HIBCH: variants seen among roughly 807,000 people sequenced by gnomAD.
HIBCH encodes 3-hydroxyisobutyryl-CoA hydrolase, mitochondrial.
HIBCH carries 50 observed loss-of-function variants against 58.2 expected under a neutral mutation model. That is an observed-to-expected ratio of 0.86 (90% CI 0.68 to 1.09). The LOEUF is 1.09. HIBCH is among the 50% of genes least tolerant of loss of function. HIBCH has a pLI of 0.00. For missense variants in HIBCH, 450 were observed against 449.7 expected, an observed-to-expected ratio of 1.00 and a Z score of -0.01; for synonymous variants, 151 against 146.9, an observed-to-expected ratio of 1.03 and a Z score of -0.20.
chr2:190,206,330 C>T lies in HIBCH; in HGVS notation c.1046-1098G>A, dbSNP rs1324767117. ...CCTACTATTTGAAAGTTTTATATTC[C>T]GTGGACAGTGTAAACAAAGAACAAC... On this transcript the variant is annotated intron_variant, in intron 13 of 13. Coordinates refer to ENST00000359678, the MANE Select transcript of HIBCH (RefSeq NM_014362.4). The surrounding 1 kb of genome is among the most constrained non-coding windows in gnomAD (Gnocchi z 5.1). 2.6e-5 allele frequency among the ~76,000 whole-genome samples: 4 copies of T among 152,072 alleles called. No homozygotes were observed. Among genetic ancestry groups the T allele is most frequent in the Non-Finnish European group, 5.9e-5 (4 of 68,008 alleles).
intron 11 of HIBCH, among the ~76,000 whole-genome samples, chr2:190,224,742 C>G (rs1366493343): frequency 6.6e-6 from 1 of 152,172 alleles, no homozygotes; most frequent in African/African-American, 2.4e-5. Context: ...AGAAAGATAA[C>G]AAGGATATCA....
intron 2 of HIBCH, among the ~76,000 whole-genome samples, chr2:190,298,843 G>A (rs531075223): frequency 2.0e-5 from 3 of 152,144 alleles, no homozygotes; most frequent in Non-Finnish European, 2.9e-5. Context: ...GAATGGTACT[G>A]CCTAAGTTTT....
At chr2:190,233,943 A>C (rs1319797230) in intron 11 of HIBCH, among the ~76,000 whole-genome samples, 2 of 152,232 alleles carry the variant, frequency 1.3e-5, no homozygotes, top group Admixed American at 6.5e-5. Flanking sequence ...GGATCACATG[A>C]GGTCAGGAAT....
Position 190,197,654 on chromosome 2 carries a change from G to A in HIBCH, c.*17+7446C>T, listed in dbSNP as rs945840506. Reference sequence around the variant, plus strand: ...AGAATCCCACAATGACCATCTGTGGGATTTAACATCTTGTGTTTTTCTTCT... The same window carrying A: ...AGAATCCCACAATGACCATCTGTGGAATTTAACATCTTGTGTTTTTCTTCT... On this transcript the variant is annotated intron_variant, in intron 1 of 1. Transcript: ENST00000399855. The surrounding 1 kb of genome is among the most constrained non-coding windows in gnomAD (Gnocchi z 4.0). 6.6e-6 allele frequency among the ~76,000 whole-genome samples: 1 copy of A among 152,182 alleles called. No individual in the cohort carries two copies. The highest frequency in any genetic ancestry group is 2.1e-4 in the South Asian group (1 of 4,828).
At chr2:190,284,453 G>A (rs908550911) in intron 6 of HIBCH, among the ~76,000 whole-genome samples, 1 of 152,194 alleles carries the variant, frequency 6.6e-6, no homozygotes, top group Non-Finnish European at 1.5e-5. Context: ...ATCAGAAGGA[G>A]TCTTGAGTTA....
At chr2:190,259,236 A>AG (rs1393160961) in intron 7 of HIBCH, among the ~76,000 whole-genome samples, 1 of 151,838 alleles carries the variant, frequency 6.6e-6, no homozygotes, top group African/African-American at 2.4e-5. Context: ...TATTCTTCCA[A>AG]TCCATGAACA....
chr2:190,250,357 T>C (rs1182795024), intron 8 of HIBCH: 3 of 467,880 alleles, frequency 6.4e-6, no homozygotes, highest in African/African-American at 6.0e-5. Context: ...ATTTTCTTTG[T>C]ATTGTTTTTA....
intron 8 of HIBCH, 127 bp from the exon 9 acceptor site, chr2:190,249,853 T>C: frequency 1.5e-6 from 1 of 685,038 alleles, no homozygotes; most frequent in Non-Finnish European, 2.6e-6. Flanking sequence ...TTCAGGTGAA[T>C]CACTGAAAGA....
chr2:190,285,425 T>C (rs950152594), intron 6 of HIBCH, among the ~76,000 whole-genome samples: 1 of 152,146 alleles, frequency 6.6e-6, no homozygotes, highest in African/African-American at 2.4e-5. Flanking sequence ...GAGCTTTCCT[T>C]TTCCCCAGGT....
At position 190,205,100 on chromosome 2, in the gene HIBCH, C is replaced by CTTT; in HGVS notation, c.*16_*17insAAA. On this transcript the variant is annotated 3_prime_UTR_variant, in exon 14 of 14. Transcript: ENST00000359678. ...TGCCAACCCATGCTACAAAATATAC[C>CTTT]TTAAAAGCCTGTCACCTCAAAATTT... The CTTT allele has an allele frequency of 7.0e-7, 1 of 1,432,792 alleles. No individual in the cohort carries two copies. The highest frequency in any genetic ancestry group is 1.2e-5 in the South Asian group (1 of 86,668). The allele number at this position is 1,432,792 out of a possible 1,614,324, so 88.8% of individuals were successfully genotyped here. A position where few individuals can be genotyped will look rare whatever the true frequency, so the allele number is the denominator to read the frequency against.
At chr2:190,289,521 TG>T (rs1417345690) in intron 5 of HIBCH, among the ~76,000 whole-genome samples, 1 of 152,184 alleles carries the variant, frequency 6.6e-6, no homozygotes, top group Non-Finnish European at 1.5e-5. Context: ...TGGTTGCTTC[TG>T]GGGAAAGTAA....
At chr2:190,290,081 G>C (rs1373155360) in intron 5 of HIBCH, among the ~76,000 whole-genome samples, 1 of 152,104 alleles carries the variant, frequency 6.6e-6, no homozygotes, top group Non-Finnish European at 1.5e-5. Context: ...GTTTCAGCAC[G>C]TTGGCCAGGC....
At chr2:190,280,665 C>A (rs1337373332) in intron 6 of HIBCH, among the ~76,000 whole-genome samples, 1 of 152,028 alleles carries the variant, frequency 6.6e-6, no homozygotes. Flanking sequence ...AGCATGCGCA[C>A]AACTTGAGTA....
In HIBCH at chr2:190,215,858, A is replaced by G. The variant is rs2105904631; in HGVS notation, c.892-2783T>C. ...GCCAAGACAGGGAAGGCAGTGTAAGACACTGTGCAGGTGTGCTGGTGCCCA... is the reference window on the plus strand; with the variant it reads ...GCCAAGACAGGGAAGGCAGTGTAAGGCACTGTGCAGGTGTGCTGGTGCCCA... On this transcript the variant is annotated intron_variant, in intron 11 of 13. Transcript: ENST00000359678. The surrounding 1 kb of genome is among the most constrained non-coding windows in gnomAD (Gnocchi z 4.4). 6.5e-6 allele frequency: 1 copy of G among 152,748 alleles called. No homozygotes were observed. Among genetic ancestry groups the G allele is most frequent in the Admixed American group, 6.5e-5 (1 of 15,314 alleles). The allele number at this position is 152,748 out of a possible 1,614,324, so 9.5% of individuals were successfully genotyped here.
rs1010728607 is a variant in HIBCH at position 190,197,106 on chromosome 2, C to A, written c.*18-7109G>T. On this transcript the variant is annotated intron_variant, in intron 1 of 1. Coordinates refer to the HIBCH transcript ENST00000399855. This position sits in a 1 kb window ranked among gnomAD's most constrained non-coding sequence, Gnocchi z 4.0. ...TCTCTTTTATGAGAGCACTAAAACT[C>A]TAATATCATCACCCAAAGGCCCCAC... Among the ~76,000 whole-genome samples the A allele has an allele frequency of 6.6e-6, 1 of 152,138 alleles. No individual in the cohort carries two copies. The highest frequency in any genetic ancestry group is 6.5e-5 in the Admixed American group (1 of 15,276).
At chr2:190,299,957 T>C (rs1688217840) in intron 2 of HIBCH, among the ~76,000 whole-genome samples, 2 of 151,808 alleles carry the variant, frequency 1.3e-5, no homozygotes, top group South Asian at 2.1e-4. Context: ...CTAAGGATGA[T>C]GGCCTCCAGG....
At chr2:190,283,789 T>G (rs1214650550) in intron 6 of HIBCH, among the ~76,000 whole-genome samples, 1 of 152,208 alleles carries the variant, frequency 6.6e-6, no homozygotes, top group Non-Finnish European at 1.5e-5. Context: ...ACAAACTTTC[T>G]CAGGGGTTCC....
rs933558360 is a variant in HIBCH at position 190,207,807 on chromosome 2, G to A, written c.1045+1073C>T. Among the ~76,000 whole-genome samples, 3 of 152,092 alleles carry A rather than the reference G, an allele frequency of 2.0e-5. No homozygotes were observed. Among genetic ancestry groups the A allele is most frequent in the African/African-American group, 7.2e-5 (3 of 41,400 alleles). On this transcript the variant is annotated intron_variant, in intron 13 of 13. Transcript: ENST00000359678. The surrounding 1 kb of genome is among the most constrained non-coding windows in gnomAD (Gnocchi z 4.5). ...GAGGTAGGCAAATCACTTGAACCTG[G>A]GAGGTGGAGGTTGCAGTAAGCCGAA...
chr2:190,220,734 A>G (rs768398343), intron 11 of HIBCH, among the ~76,000 whole-genome samples: 1 of 151,798 alleles, frequency 6.6e-6, no homozygotes, highest in African/African-American at 2.4e-5. Flanking sequence ...CAAAATCACT[A>G]GTTTTCTTTA....
Sources: allele counts gnomAD v4.1 joint callset (sites outside exome capture counted in the v4.1 genomes callset), GRCh38; gene constraint gnomAD v4.1.1; non-coding constraint Gnocchi (gnomAD v3.1); transcripts MANE v1.5; gene names NCBI Gene and HGNC (gene_info 2026-07-23, HGNC 2026-07-21).